Variants in PPP1CC observed in about 807,000 individuals in gnomAD.
The protein encoded by PPP1CC is serine/threonine-protein phosphatase PP1-gamma catalytic subunit.
Under a neutral mutation model 38.4 loss-of-function variants are expected in PPP1CC, and 16 were observed. The observed-to-expected ratio is 0.42, with a 90% CI of 0.28 to 0.63. The LOEUF is 0.63. PPP1CC is among the 30% of genes least tolerant of loss of function. PPP1CC has a pLI of 0.25. For missense variants in PPP1CC, 170 were observed against 391.3 expected (o/e 0.43, Z 4.77); for synonymous variants, 158 against 136.0 (o/e 1.16, Z -1.13).
Position 110,740,313 on chromosome 12 carries a change from C to T in PPP1CC, c.55+2340G>A, listed in dbSNP as rs113109488. 1.5e-3 allele frequency among the ~76,000 whole-genome samples: 227 copies of T among 152,198 alleles called. 1 individual carries two copies. Among genetic ancestry groups the T allele is most frequent in the African/African-American group, 5.1e-3 (213 of 41,524 alleles). Reference sequence around the variant, plus strand: ...AAAAGAATAAAATTTAGGCCGGGCACGGTGGCTCATGACTATAACCCCAGC... The same window carrying T: ...AAAAGAATAAAATTTAGGCCGGGCATGGTGGCTCATGACTATAACCCCAGC... On this transcript the variant is annotated intron_variant, in intron 1 of 6. Coordinates refer to ENST00000335007, the MANE Select transcript of PPP1CC (RefSeq NM_002710.4).
In PPP1CC at chr12:110,742,837, C is replaced by G. The variant is rs1432954228; in HGVS notation, c.-130G>C. ...TGGCAGCAGCCGCGGCGGGTCCCCCCCCTGCCACCCCGCTCCCTACTTCCT... is the reference window on the plus strand; with the variant it reads ...TGGCAGCAGCCGCGGCGGGTCCCCCGCCTGCCACCCCGCTCCCTACTTCCT... On this transcript the variant is annotated 5_prime_UTR_variant, in exon 1 of 7. Transcript: ENST00000335007. 2 of 584,896 alleles carry G rather than the reference C, an allele frequency of 3.4e-6. No homozygotes were observed. The highest frequency in any genetic ancestry group is 7.0e-5 in the East Asian group (2 of 28,704). 36.2% of individuals were successfully genotyped at this position (584,896 alleles called of 1,614,324 possible). A position where few individuals can be genotyped will look rare whatever the true frequency, so the allele number is the denominator to read the frequency against.
At chr12:110,740,014 AC>A (rs2069997941) in intron 1 of PPP1CC, among the ~76,000 whole-genome samples, 1 of 152,242 alleles carries the variant, frequency 6.6e-6, no homozygotes, top group South Asian at 2.1e-4. Flanking sequence ...TGCCTCGCTT[AC>A]AGAAATACTC....
At chr12:110,709,490 A>C in the PPP1CC span, among the ~76,000 whole-genome samples, 1 of 151,996 alleles carries the variant, frequency 6.6e-6, no homozygotes, top group Non-Finnish European at 1.5e-5. Flanking sequence ...GAGCTCCCAA[A>C]GTGTTGAGAT....
chr12:110,738,402 A>G (rs2069973070), intron 1 of PPP1CC, among the ~76,000 whole-genome samples: 1 of 152,200 alleles, frequency 6.6e-6, no homozygotes, highest in Non-Finnish European at 1.5e-5. Flanking sequence ...TATCTCCTTC[A>G]TATTTTAATC....
the PPP1CC span, among the ~76,000 whole-genome samples, chr12:110,710,584 G>C: frequency 6.6e-6 from 1 of 151,620 alleles, no homozygotes; most frequent in Non-Finnish European, 1.5e-5. Context: ...TGGGTGTGGT[G>C]GTGGGTGCCT....
chr12:110,708,394 C>T, the PPP1CC span, among the ~76,000 whole-genome samples: 33 of 152,278 alleles, frequency 2.2e-4, no homozygotes, highest in Non-Finnish European at 4.0e-4. Context: ...ATATATGACT[C>T]CAATGTTTAT....
At chr12:110,730,361 C>A (rs1027419001) in intron 3 of PPP1CC, among the ~76,000 whole-genome samples, 168 bp downstream of exon 3, 1 of 152,082 alleles carries the variant, frequency 6.6e-6, no homozygotes, top group Non-Finnish European at 1.5e-5. Flanking sequence ...TCCGTTCCCC[C>A]ACCCCCCTAA....
chr12:110,721,915 C>T (rs1413650286), intron 6 of PPP1CC: 1 of 529,474 alleles, frequency 1.9e-6, no homozygotes, highest in African/African-American at 1.9e-5. Flanking sequence ...ATATGCAATG[C>T]AAAAATTTAT....
chr12:110,726,610 T>C (rs7960761), intron 3 of PPP1CC: 17,605 of 152,076 alleles, frequency 0.12, 1,186 homozygotes, highest in African/African-American at 0.18. Context: ...CCAACTCCCA[T>C]TTCCAACAGC....
At chr12:110,733,974 C>A (rs1446236075) in intron 1 of PPP1CC, among the ~76,000 whole-genome samples, 1 of 152,162 alleles carries the variant, frequency 6.6e-6, no homozygotes, top group Non-Finnish European at 1.5e-5. Flanking sequence ...AGTTATCATA[C>A]AACTGCTCAG....
At chr12:110,740,053 A>G (rs1360767349) in intron 1 of PPP1CC, among the ~76,000 whole-genome samples, 2 of 152,224 alleles carry the variant, frequency 1.3e-5, no homozygotes, top group Admixed American at 6.5e-5. Context: ...AGAACTGCAA[A>G]GGTTAGTGAC....
chr12:110,742,640 C>A lies in PPP1CC; in HGVS notation c.55+13G>T. The A allele has an allele frequency of 2.7e-6, 4 of 1,456,024 alleles. No homozygotes were observed. The highest frequency in any genetic ancestry group is 1.4e-5 in the South Asian group (1 of 69,744). 90.2% of individuals were successfully genotyped at this position (1,456,024 alleles called of 1,614,324 possible). On this transcript the variant is annotated intron_variant, in intron 1 of 6. Transcript: ENST00000335007. ...GCCCGCCTCCCCCTTCAGCCGCCCG[C>A]CGCCCCCCTTACCTTCCAGCAGCCG...
Position 110,742,769 on chromosome 12 carries a change from A to G in PPP1CC, c.-62T>C, listed in dbSNP as rs982394676. ...CCGCCGGCTCGCGCCCGGGACTCAC[A>G]CCTCCTTTCCCACGCCACGAGCAGA... is the stretch of plus-strand genomic sequence containing the variant. On this transcript the variant is annotated 5_prime_UTR_variant, in exon 1 of 7. Coordinates refer to ENST00000335007, the MANE Select transcript of PPP1CC (RefSeq NM_002710.4). 79 of 1,275,184 alleles carry G rather than the reference A, an allele frequency of 6.2e-5. No individual in the cohort carries two copies. The highest frequency in any genetic ancestry group is 7.8e-5 in the Non-Finnish European group (77 of 984,702). The allele number at this position is 1,275,184 out of a possible 1,614,324, so 79.0% of individuals were successfully genotyped here.
At chr12:110,739,475 T>G (rs1476571294) in intron 1 of PPP1CC, among the ~76,000 whole-genome samples, 6 of 152,150 alleles carry the variant, frequency 3.9e-5, no homozygotes, top group African/African-American at 1.4e-4. Flanking sequence ...ATGAACGTTT[T>G]ATACTGCATC....
chr12:110,723,829 C>T (rs1241735328), intron 4 of PPP1CC, among the ~76,000 whole-genome samples: 3 of 151,872 alleles, frequency 2.0e-5, no homozygotes, highest in African/African-American at 7.3e-5. Context: ...TTTTAAAATC[C>T]AAGTCAGAGA....
intron 3 of PPP1CC, 23 bp downstream of exon 3, chr12:110,730,506 C>T (rs764088227): frequency 7.4e-6 from 11 of 1,490,716 alleles, no homozygotes; most frequent in Non-Finnish European, 9.2e-6. Context: ...ATAACTCTTC[C>T]TTAGATATAG....
chr12:110,725,276 G>A (rs534173735), intron 3 of PPP1CC: 1 of 152,428 alleles, frequency 6.6e-6, no homozygotes, highest in Admixed American at 6.5e-5. Flanking sequence ...CAATCTCACC[G>A]CAGCTAGTCC....
chr12:110,715,843 A>G (rs564301168), downstream of PPP1CC, among the ~76,000 whole-genome samples: 2 of 149,678 alleles, frequency 1.3e-5, no homozygotes, highest in African/African-American at 5.0e-5. Flanking sequence ...CTGGTCTTGA[A>G]CTCCTGACCT....
chr12:110,737,826 T>C (rs1208729749), intron 1 of PPP1CC, among the ~76,000 whole-genome samples: 3 of 152,004 alleles, frequency 2.0e-5, no homozygotes, highest in Non-Finnish European at 2.9e-5. Context: ...TGTGTGCCTA[T>C]AGATCCGGCT....
Sources: gnomAD v4.1 joint callset for allele counts (sites outside exome capture counted in the v4.1 genomes callset) on GRCh38, gnomAD v4.1.1 for gene constraint, MANE v1.5 for transcripts, NCBI Gene and HGNC (gene_info 2026-07-23, HGNC 2026-07-21) for gene names.